The following RNGTT variants were observed in gnomAD, a reference collection of about 807,000 sequenced individuals.
RNGTT encodes mRNA-capping enzyme.
RNGTT carries 33 observed loss-of-function variants against 79.3 expected under a neutral mutation model. The observed-to-expected ratio is 0.42, with a 90% confidence interval of 0.32 to 0.56. The LOEUF (loss-of-function observed/expected upper bound fraction) is 0.56. Ranked by LOEUF, RNGTT falls within the 20% of genes least tolerant of loss-of-function variation. RNGTT has a pLI of 0.17. For missense variants in RNGTT, 497 were observed against 739.1 expected (o/e 0.67, Z 3.80); for synonymous variants, 222 against 235.9 (o/e 0.94, Z 0.54).
At chr6:88,924,542 T>C (rs1285897639) in intron 4 of RNGTT, among the ~76,000 whole-genome samples, 1 of 152,194 alleles carries the variant, frequency 6.6e-6, no homozygotes, top group Non-Finnish European at 1.5e-5. Flanking sequence ...CCCAGACCAG[T>C]GTCAAACTCC....
intron 5 of RNGTT, 87 bp downstream of exon 5, chr6:88,906,278 A>G: frequency 1.3e-6 from 1 of 779,222 alleles, no homozygotes; most frequent in Non-Finnish European, 2.1e-6. Context: ...TTCACCAAAA[A>G]CTTGACAATA....
intron 14 of RNGTT, among the ~76,000 whole-genome samples, chr6:88,660,912 T>C (rs1285860878): frequency 3.3e-5 from 5 of 152,310 alleles, no homozygotes; most frequent in African/African-American, 1.2e-4. Flanking sequence ...GACCATAAGA[T>C]AGGTCACAAA....
intron 6 of RNGTT, among the ~76,000 whole-genome samples, chr6:88,896,168 C>T (rs1313516199): frequency 6.6e-6 from 1 of 152,178 alleles, no homozygotes; most frequent in East Asian, 1.9e-4. Flanking sequence ...TTCCTTTCAG[C>T]TATACCACTC....
intron 13 of RNGTT, among the ~76,000 whole-genome samples, chr6:88,746,636 G>A (rs1562231065): frequency 6.6e-6 from 1 of 152,160 alleles, no homozygotes; most frequent in African/African-American, 2.4e-5. Flanking sequence ...GCTCCTATGA[G>A]AATCTAATAC....
chr6:88,627,985 T>C (rs1230227803), intron 14 of RNGTT, among the ~76,000 whole-genome samples: 1 of 152,150 alleles, frequency 6.6e-6, no homozygotes, highest in Non-Finnish European at 1.5e-5. Context: ...GCATAGATCA[T>C]TGCAATTTTA....
chr6:88,784,904 G>A (rs1300390556), intron 12 of RNGTT, among the ~76,000 whole-genome samples: 1 of 151,998 alleles, frequency 6.6e-6, no homozygotes, highest in Non-Finnish European at 1.5e-5. Flanking sequence ...ATGAAAATAA[G>A]AATGTATTCA....
intron 14 of RNGTT, among the ~76,000 whole-genome samples, chr6:88,666,799 G>A (rs990862780): frequency 6.6e-6 from 1 of 152,174 alleles, no homozygotes; most frequent in Non-Finnish European, 1.5e-5. Flanking sequence ...CCAAATCGCT[G>A]CCTCAGGGAA....
In RNGTT at chr6:88,715,077, G is replaced by C. The variant is rs192029740; in HGVS notation, c.1440-36658C>G. 4.3e-3 allele frequency among the ~76,000 whole-genome samples: 659 copies of C among 152,268 alleles called. 4 individuals carry two copies. The highest frequency in any genetic ancestry group is 0.014 in the African/African-American group (594 of 41,554). ...ATATCTAGAAAACCCCATTGTCTCAGCCCAAAATCTCCTTAAGCTGACAGG... is the reference window on the plus strand; with the variant it reads ...ATATCTAGAAAACCCCATTGTCTCACCCCAAAATCTCCTTAAGCTGACAGG... On this transcript the variant is annotated intron_variant, in intron 13 of 15. Coordinates refer to ENST00000369485, the MANE Select transcript of RNGTT (RefSeq NM_003800.5).
At chr6:88,829,890 T>G (rs2127887727) in intron 11 of RNGTT, among the ~76,000 whole-genome samples, 1 of 152,112 alleles carries the variant, frequency 6.6e-6, no homozygotes, top group Middle Eastern at 3.4e-3. Context: ...ATTCATAAAG[T>G]AAGTTCTTAG....
chr6:88,808,086 A>G (rs1780019270), intron 11 of RNGTT, among the ~76,000 whole-genome samples: 1 of 152,200 alleles, frequency 6.6e-6, no homozygotes. Flanking sequence ...GGAATATGAT[A>G]CAAGAATAAA....
At chr6:88,919,779 C>A (rs1488761976) in intron 4 of RNGTT, among the ~76,000 whole-genome samples, 3 of 124,324 alleles carry the variant, frequency 2.4e-5, no homozygotes, top group African/African-American at 9.9e-5. Context: ...TGCAATGGAG[C>A]AATCTCGGCT....
chr6:88,698,178 G>GAT (rs1296716851), intron 13 of RNGTT, among the ~76,000 whole-genome samples: 1 of 90,458 alleles, frequency 1.1e-5, no homozygotes, highest in Admixed American at 1.2e-4. Context: ...ACATATATAT[G>GAT]ATATATATAT....
intron 13 of RNGTT, among the ~76,000 whole-genome samples, chr6:88,749,634 A>C (rs565855113): frequency 4.6e-5 from 7 of 152,286 alleles, no homozygotes; most frequent in Non-Finnish European, 2.9e-5. Context: ...GTCAATGAGT[A>C]ACAACAATAA....
chr6:88,715,821 T>C (rs1415419768), intron 13 of RNGTT, among the ~76,000 whole-genome samples: 1 of 152,152 alleles, frequency 6.6e-6, no homozygotes, highest in Non-Finnish European at 1.5e-5. Context: ...TAATTCAAGA[T>C]GGATTAAAGA....
At chr6:88,908,404 C>T (rs562846448) in intron 4 of RNGTT, among the ~76,000 whole-genome samples, 17 of 152,214 alleles carry the variant, frequency 1.1e-4, no homozygotes, top group African/African-American at 3.9e-4. Context: ...CACTTTGAAC[C>T]ACCAAAACTT....
At chr6:88,876,577 C>A (rs1782526386) in intron 8 of RNGTT, among the ~76,000 whole-genome samples, 1 of 152,174 alleles carries the variant, frequency 6.6e-6, no homozygotes, top group Admixed American at 6.5e-5. Context: ...CCTATCATAG[C>A]TAGCACAATC....
At chr6:88,680,679 T>C (rs1775060178) in intron 13 of RNGTT, among the ~76,000 whole-genome samples, 1 of 150,970 alleles carries the variant, frequency 6.6e-6, no homozygotes, top group South Asian at 2.1e-4. Context: ...GAGGCAGAGG[T>C]TGCAGTGAGC....
intron 14 of RNGTT, among the ~76,000 whole-genome samples, chr6:88,632,163 T>C (rs879812118): frequency 6.6e-6 from 1 of 152,142 alleles, no homozygotes; most frequent in Non-Finnish European, 1.5e-5. Flanking sequence ...AGTTTCACCA[T>C]GTTGCCCAGG....
At chr6:88,898,125 G>A (rs2127938597) in intron 6 of RNGTT, among the ~76,000 whole-genome samples, 1 of 152,210 alleles carries the variant, frequency 6.6e-6, no homozygotes, top group African/African-American at 2.4e-5. Flanking sequence ...TAAATCTCCA[G>A]AAGTGAGGGT....
Sources: allele counts gnomAD v4.1 joint callset (sites outside exome capture counted in the v4.1 genomes callset), GRCh38; gene constraint gnomAD v4.1.1; transcripts MANE v1.5; gene names NCBI Gene and HGNC (gene_info 2026-07-23, HGNC 2026-07-21).